Variants in PKP4 observed in about 807,000 individuals in gnomAD.
The protein encoded by PKP4 is plakophilin-4.
A neutral mutation model predicts 145.1 loss-of-function variants in PKP4; 90 were observed. The observed-to-expected ratio is 0.62, with a 90% CI of 0.52 to 0.74. The LOEUF (loss-of-function observed/expected upper bound fraction) is 0.74, where lower values mean the gene tolerates loss of function less well. Among genes scored for constraint, PKP4 ranks in the 30% least tolerant of loss-of-function variants. The probability of loss-of-function intolerance (pLI) is 0.00; values close to 1 mark genes in which losing one functional copy is unlikely to be tolerated. For missense variants in PKP4, 1,340 were observed against 1,482.7 expected, an observed-to-expected ratio of 0.90 and a Z score of 1.58; for synonymous variants, 563 against 577.2, an observed-to-expected ratio of 0.98 and a Z score of 0.35.
intron 1 of PKP4, among the ~76,000 whole-genome samples, chr2:158,522,576 G>C (rs1032178291): frequency 5.3e-5 from 8 of 152,144 alleles, no homozygotes; most frequent in African/African-American, 1.7e-4. Flanking sequence ...AGCCTCAAAA[G>C]AATTCAGTCT....
intron 1 of PKP4, among the ~76,000 whole-genome samples, chr2:158,467,134 T>G (rs968330718): frequency 6.6e-6 from 1 of 152,202 alleles, no homozygotes; most frequent in Non-Finnish European, 1.5e-5. Context: ...GATAGAAATA[T>G]TCTTATACAT....
chr2:158,598,112 C>A (rs1319214152), intron 3 of PKP4, among the ~76,000 whole-genome samples: 1 of 152,178 alleles, frequency 6.6e-6, no homozygotes, highest in Admixed American at 6.5e-5. Context: ...GCGTGAGCCG[C>A]TGTGTCAAGC....
chr2:158,601,486 A>G (rs2050223124), intron 3 of PKP4, among the ~76,000 whole-genome samples: 1 of 152,246 alleles, frequency 6.6e-6, no homozygotes, highest in Non-Finnish European at 1.5e-5. Context: ...TTCAGTGTGC[A>G]GAACCACTTT....
At chr2:158,462,213 G>A (rs1427005234) in intron 1 of PKP4, among the ~76,000 whole-genome samples, 1 of 152,156 alleles carries the variant, frequency 6.6e-6, no homozygotes, top group Admixed American at 6.5e-5. Context: ...TCCCAAATCA[G>A]AAATTAGGAG....
chr2:158,620,353 G>A (rs994155639), intron 4 of PKP4, among the ~76,000 whole-genome samples: 2 of 152,056 alleles, frequency 1.3e-5, no homozygotes, highest in African/African-American at 2.4e-5. Context: ...AAATGGTACT[G>A]TTAAATTAAA....
chr2:158,585,151 G>A (rs950847576), intron 3 of PKP4, among the ~76,000 whole-genome samples: 3 of 152,268 alleles, frequency 2.0e-5, no homozygotes, highest in African/African-American at 7.2e-5. Flanking sequence ...CTGTTCAGAA[G>A]CATTTGGTCC....
At chr2:158,608,726 A>G (rs2050854350) in intron 4 of PKP4, among the ~76,000 whole-genome samples, 1 of 152,046 alleles carries the variant, frequency 6.6e-6, no homozygotes, top group Non-Finnish European at 1.5e-5. Context: ...TTAAATTGTA[A>G]CCATGGCAAT....
At chr2:158,614,950 T>A (rs747956812) in intron 4 of PKP4, among the ~76,000 whole-genome samples, 1 of 152,034 alleles carries the variant, frequency 6.6e-6, no homozygotes, top group East Asian at 1.9e-4. Context: ...CCCTCTATAA[T>A]TTCACATTTC....
At position 158,662,941 on chromosome 2, in the gene PKP4, G is replaced by C. The variant is rs1332942097; in HGVS notation, c.2256G>C (p.Arg752=). The stretch of plus-strand genomic sequence containing the variant: ...GCACCCTGAGGAACCTGTCCTATCG[G>C]CTGGAGCTGGAGGTGCCCCAGGCCC... The part of the protein sequence containing the change: ...CVCTLRNLSY[R]LELEVPQARL... Residue 752 remains arginine, a synonymous_variant, in exon 14 of 22, where the codon CGG becomes CGC. Coordinates refer to ENST00000389759, the MANE Select transcript of PKP4 (RefSeq NM_003628.6). 3 of 1,613,126 alleles carry C rather than the reference G, an allele frequency of 1.9e-6. No homozygotes were observed. Among genetic ancestry groups the C allele is most frequent in the African/African-American group, 1.3e-5 (1 of 74,976 alleles).
chr2:158,555,414 A>G (rs2046005257), intron 2 of PKP4, among the ~76,000 whole-genome samples: 1 of 152,322 alleles, frequency 6.6e-6, no homozygotes, highest in African/African-American at 2.4e-5. Context: ...GAAACATCAT[A>G]CTCTGCACTA....
chr2:158,498,007 AAG>A (rs1695993061), intron 1 of PKP4, among the ~76,000 whole-genome samples: 1 of 152,164 alleles, frequency 6.6e-6, no homozygotes, highest in South Asian at 2.1e-4. Context: ...AAAAAGAATG[AAG>A]AGAGGATAAT....
intron 2 of PKP4, among the ~76,000 whole-genome samples, chr2:158,551,764 G>A (rs924279897): frequency 5.9e-5 from 9 of 151,958 alleles, no homozygotes; most frequent in Admixed American, 1.3e-4. Flanking sequence ...ATACTTATTC[G>A]TAAGTGAAAA....
intron 15 of PKP4, 22 bp from the exon 16 acceptor site, chr2:158,666,391 C>T: frequency 1.3e-6 from 2 of 1,555,244 alleles, no homozygotes; most frequent in Non-Finnish European, 1.7e-6. Flanking sequence ...TATGTTACTT[C>T]CTGCCTTATT....
At chr2:158,590,116 AT>A (rs547751738) in intron 3 of PKP4, among the ~76,000 whole-genome samples, 3 of 152,040 alleles carry the variant, frequency 2.0e-5, no homozygotes, top group Non-Finnish European at 4.4e-5. Flanking sequence ...TTTTGCATAG[AT>A]TTTTCTATGC....
rs2043728044 is a variant in PKP4, at chr2:158,533,189, C to T, written c.5C>T (p.Pro2Leu). The change falls in exon 2 of 22, where the codon CCA (proline) becomes CTA (leucine). Residue 2 changes from proline to leucine, a missense_variant. Transcript: ENST00000389759. M[P>L]APEQASLVEE... The stretch of plus-strand genomic sequence containing the variant: ...GCCTGCTTGATTGCAGGAGGAATGC[C>T]AGCTCCTGAGCAGGCCTCATTGGTG... 1.2e-6 allele frequency: 2 copies of T among 1,610,538 alleles called. No homozygotes were observed. The highest frequency in any genetic ancestry group is 8.5e-7 in the Non-Finnish European group (1 of 1,178,778).
rs201278217 is a variant in PKP4 at position 158,639,343 on chromosome 2, C to T, written c.1563-1284C>T. Among the ~76,000 whole-genome samples, 369 of 97,204 alleles carry T rather than the reference C, an allele frequency of 3.8e-3. 1 individual carries two copies. Among genetic ancestry groups the T allele is most frequent in the African/African-American group, 0.011 (351 of 32,306 alleles). The allele number at this position is 97,204 out of a possible 152,430, so 63.8% of individuals were successfully genotyped here. On this transcript the variant is annotated intron_variant, in intron 9 of 21. Transcript: ENST00000389759. The stretch of plus-strand genomic sequence containing the variant: ...AGGGGTGTGTGTGTGTGTGTGTGTG[C>T]GTGCGTGTGTGTTTGCGTGTGTGCA...
At chr2:158,503,388 A>G (rs1463750459) in intron 1 of PKP4, among the ~76,000 whole-genome samples, 1 of 152,244 alleles carries the variant, frequency 6.6e-6, no homozygotes, top group Admixed American at 6.5e-5. Flanking sequence ...TTGATAATTT[A>G]TAAACAAATA....
At chr2:158,665,075 T>G (rs2056955503) in intron 15 of PKP4, among the ~76,000 whole-genome samples, 1 of 152,200 alleles carries the variant, frequency 6.6e-6, no homozygotes, top group Non-Finnish European at 1.5e-5. Flanking sequence ...ATTTCAATAG[T>G]GAGTTAAAAT....
intron 1 of PKP4, among the ~76,000 whole-genome samples, chr2:158,524,474 T>G (rs1349307163): frequency 7.4e-5 from 9 of 121,120 alleles, no homozygotes; most frequent in Non-Finnish European, 6.9e-5. Context: ...AAAGAGCTCC[T>G]GAAGGAAGCA....
Sources: gnomAD v4.1 joint callset for allele counts (sites outside exome capture counted in the v4.1 genomes callset) on GRCh38, gnomAD v4.1.1 for gene constraint, MANE v1.5 for transcripts, NCBI Gene and HGNC (gene_info 2026-07-23, HGNC 2026-07-21) for gene names.